The following CCL14 variants were observed in gnomAD, a reference collection of about 807,000 sequenced individuals.
CCL14 encodes the protein C-C motif chemokine ligand 14, also known as C-C motif chemokine 14.
A neutral mutation model predicts 8.2 loss-of-function variants in CCL14; 8 were observed. That is an observed-to-expected ratio of 0.98 (90% confidence interval 0.57 to 1.76). CCL14 has a LOEUF of 1.76. CCL14 is among the 40% of genes most tolerant of loss of function. The pLI, the probability that CCL14 is intolerant of heterozygous loss-of-function variation, is 0.00. For missense variants in CCL14, 127 were observed against 118.3 expected (o/e 1.07, Z -0.34); for synonymous variants, 50 against 43.2 (o/e 1.16, Z -0.62).
chr17:35,984,266 C>T, intron 2 of CCL14, 72 bp downstream of exon 2: 6 of 1,131,536 alleles, frequency 5.3e-6, no homozygotes, highest in Admixed American at 1.7e-5. Context: ...ATTCCACCAC[C>T]ACTCCCTGCT....
At chr17:35,985,702 A>G in intron 1 of CCL14, 1 of 1,511,514 alleles carries the variant, frequency 6.6e-7, no homozygotes, top group South Asian at 1.2e-5. Flanking sequence ...TGTTCCTCTG[A>G]GCTGACAAAT....
intron 1 of CCL14, chr17:35,985,729 A>G: frequency 1.9e-6 from 3 of 1,548,714 alleles, no homozygotes; most frequent in Non-Finnish European, 1.7e-6. Context: ...GGAGAGGGCA[A>G]GTCAAACTGT....
chr17:35,985,917 T>G (rs2089760070), intron 1 of CCL14: 9 of 797,314 alleles, frequency 1.1e-5, no homozygotes, highest in Non-Finnish European at 1.9e-5. Flanking sequence ...ACTGTCGTGT[T>G]TCCCCCCAGC....
rs1384848777 is a variant in CCL14 at position 35,983,580 on chromosome 17, A to G, written c.*221T>C. On this transcript the variant is annotated 3_prime_UTR_variant, in exon 3 of 3. Transcript: ENST00000618404. ...CAAAACTTCTGCAGAGCGAGGCTTG[A>G]TGCCGAGGGTGCCACACCCTGGTGT... is the stretch of plus-strand genomic sequence containing the variant. 5 of 482,458 alleles carry G rather than the reference A, an allele frequency of 1.0e-5. No individual in the cohort carries two copies. The highest frequency in any genetic ancestry group is 1.8e-5 in the Non-Finnish European group (5 of 272,154). 29.9% of individuals were successfully genotyped at this position (482,458 alleles called of 1,614,324 possible).
chr17:35,984,289 G>T, intron 2 of CCL14, 49 bp downstream of exon 2: 1 of 1,331,052 alleles, frequency 7.5e-7, no homozygotes, highest in Non-Finnish European at 1.1e-6. Flanking sequence ...CCTCCAGGAG[G>T]CCCTGCTGGC....
chr17:35,985,968 G>C lies in CCL14; in HGVS notation c.79+603C>G, dbSNP rs763742507. ...GCTGCACTCACTGGGCACAGGTGAC[G>C]CTGGAAGCAGGCTGGGCCCAAACCT... On this transcript the variant is annotated intron_variant, in intron 1 of 2. Transcript: ENST00000618404. The C allele has an allele frequency of 6.7e-6, 4 of 594,600 alleles. No individual in the cohort carries two copies. The Middle Eastern group carries it at 7.8e-4, about 115-fold the overall frequency. 36.8% of individuals were successfully genotyped at this position (594,600 alleles called of 1,614,324 possible).
chr17:35,984,211 C>T (rs370830513), intron 2 of CCL14, 127 bp downstream of exon 2: 12 of 714,872 alleles, frequency 1.7e-5, no homozygotes, highest in East Asian at 1.3e-4. Flanking sequence ...CCCTCAGCTG[C>T]CTCTCCCCAT....
intron 1 of CCL14, chr17:35,986,359 C>T (rs2089769047): frequency 3.5e-6 from 2 of 574,202 alleles, no homozygotes. Context: ...TCCTAAGTCT[C>T]ATCTCCATCC....
chr17:35,985,720 G>A, intron 1 of CCL14: 1 of 1,542,868 alleles, frequency 6.5e-7, no homozygotes, highest in South Asian at 1.2e-5. Flanking sequence ...AATGACATCG[G>A]AGAGGGCAAG....
intron 1 of CCL14, chr17:35,985,971 G>A (rs911888330): frequency 6.7e-6 from 4 of 592,758 alleles, no homozygotes; most frequent in Admixed American, 3.3e-5. Context: ...AGGTGACGCT[G>A]GAAGCAGGCT....
chr17:35,985,512 A>C, intron 1 of CCL14: 1 of 559,584 alleles, frequency 1.8e-6, no homozygotes, highest in Non-Finnish European at 3.2e-6. Context: ...CCTGCTTCAT[A>C]GAATCATGGA....
Position 35,983,436 on chromosome 17 carries a change from C to A in CCL14, c.*365G>T. 1 of 231,236 alleles carries A rather than the reference C, an allele frequency of 4.3e-6. No homozygotes were observed. The allele number at this position is 231,236 out of a possible 1,614,324, so 14.3% of individuals were successfully genotyped here. On this transcript the variant is annotated 3_prime_UTR_variant, in exon 3 of 3. Coordinates refer to ENST00000618404, the MANE Select transcript of CCL14 (RefSeq NM_032963.4). ...TGGAGTATAGAAAGCATTAAGAAAACGGGGTCTGCTACTGTTGTTGCTGAG... is the reference window on the plus strand; with the variant it reads ...TGGAGTATAGAAAGCATTAAGAAAAAGGGGTCTGCTACTGTTGTTGCTGAG...
rs756806176 is a variant in CCL14 at position 35,984,483 on chromosome 17, G to GA, written c.80-32_80-31insT. 1.3e-5 allele frequency: 19 copies of GA among 1,501,722 alleles called. No homozygotes were observed. The African/African-American group carries it at 2.2e-4, about 17-fold the overall frequency. The allele number at this position is 1,501,722 out of a possible 1,614,324, so 93.0% of individuals were successfully genotyped here. Reference sequence around the variant, plus strand: ...GAGAGAGCATCAGATGCTGAGGAGGGGCCCCTTGTTAAAGGCCATACCATT... The same window carrying GA: ...GAGAGAGCATCAGATGCTGAGGAGGGAGCCCCTTGTTAAAGGCCATACCATT... On this transcript the variant is annotated intron_variant, in intron 1 of 2. Coordinates refer to ENST00000618404, the MANE Select transcript of CCL14 (RefSeq NM_032963.4).
Position 35,983,525 on chromosome 17 carries a change from G to T in CCL14, c.*276C>A, listed in dbSNP as rs1013739814. 2 of 442,816 alleles carry T rather than the reference G, an allele frequency of 4.5e-6. No homozygotes were observed. Among genetic ancestry groups the T allele is most frequent in the Non-Finnish European group, 8.1e-6 (2 of 247,524 alleles). 27.4% of individuals were successfully genotyped at this position (442,816 alleles called of 1,614,324 possible). A position where few individuals can be genotyped will look rare whatever the true frequency, so the allele number is the denominator to read the frequency against. On this transcript the variant is annotated 3_prime_UTR_variant, in exon 3 of 3. Transcript: ENST00000618404. ...CTGCTTCTCACTACCTGCATTGCAG[G>T]CCTGACCTATTTTTTGTACCAGGCT...
intron 2 of CCL14, 146 bp from the exon 3 acceptor site, chr17:35,984,034 T>C (rs908440561): frequency 1.4e-6 from 1 of 703,316 alleles, no homozygotes; most frequent in African/African-American, 1.7e-5. Context: ...CAGTCTCCTC[T>C]CTGAGACATA....
chr17:35,984,496 AG>A (rs1386614203), intron 1 of CCL14, 44 bp from the exon 2 acceptor site: 1 of 1,271,708 alleles, frequency 7.9e-7, no homozygotes, highest in Non-Finnish European at 1.1e-6. Context: ...CCCTTGTTAA[AG>A]GCCATACCAT....
chr17:35,986,176 T>G, intron 1 of CCL14: 1 of 348,156 alleles, frequency 2.9e-6, no homozygotes, highest in East Asian at 5.7e-5. Context: ...GGACTGGTCC[T>G]GGGGGGCAAT....
intron 1 of CCL14, chr17:35,985,495 ATGT>A: frequency 1.8e-6 from 1 of 545,296 alleles, no homozygotes; most frequent in Non-Finnish European, 3.2e-6. Flanking sequence ...TGTGCATGTT[ATGT>A]GACCCTGCTT....
At chr17:35,985,718 C>T (rs1424892071) in intron 1 of CCL14, 20 of 1,541,782 alleles carry the variant, frequency 1.3e-5, no homozygotes, top group Admixed American at 1.2e-4. Flanking sequence ...CAAATGACAT[C>T]GGAGAGGGCA....
Sources: allele counts gnomAD v4.1 joint callset, GRCh38; gene constraint gnomAD v4.1.1; transcripts MANE v1.5; gene names NCBI Gene and HGNC (gene_info 2026-07-23, HGNC 2026-07-21).